RGS6: variants seen among roughly 807,000 people sequenced by gnomAD.
RGS6 encodes the protein regulator of G protein signaling 6.
A neutral mutation model predicts 78.5 loss-of-function variants in RGS6; 30 were observed. That is an observed-to-expected ratio of 0.38 (90% confidence interval 0.29 to 0.52). The LOEUF is 0.52. Ranked by LOEUF, RGS6 falls within the 20% of genes least tolerant of loss-of-function variation. The probability of loss-of-function intolerance (pLI) is 0.85; values close to 1 mark genes in which losing one functional copy is unlikely to be tolerated. For synonymous variants in RGS6, 206 were observed against 206.0 expected, an observed-to-expected ratio of 1.00 and a Z score of 0.00; for missense variants, 495 against 609.7, an observed-to-expected ratio of 0.81 and a Z score of 1.98.
At chr14:72,306,290 C>T (rs2067226275) in intron 2 of RGS6, among the ~76,000 whole-genome samples, 2 of 152,232 alleles carry the variant, frequency 1.3e-5, no homozygotes, top group African/African-American at 4.8e-5. Context: ...CACCTCATCA[C>T]ACAAGAGCCT....
At chr14:72,494,049 C>A (rs1031410255) in intron 12 of RGS6, among the ~76,000 whole-genome samples, 1 of 152,114 alleles carries the variant, frequency 6.6e-6, no homozygotes, top group Non-Finnish European at 1.5e-5. Context: ...GTCTATAGAG[C>A]AAATGATCCA....
Position 72,543,251 on chromosome 14 carries a change from G to A in RGS6, c.1422+3157G>A, listed in dbSNP as rs79579532. Among the ~76,000 whole-genome samples, 1,506 of 152,336 alleles carry A rather than the reference G, an allele frequency of 9.9e-3. 28 individuals carry two copies. Among genetic ancestry groups the A allele is most frequent in the African/African-American group, 0.034 (1,426 of 41,574 alleles). On this transcript the variant is annotated intron_variant, in intron 17 of 17. Coordinates refer to ENST00000553525, the MANE Select transcript of RGS6 (RefSeq NM_001204424.2). ...GGCCCAGCCTCACAGATGCCCAGCT[G>A]ACCAGGCAAAACACAGGCTGGGTTT...
chr14:72,580,881 C>T, the RGS6 span, among the ~76,000 whole-genome samples: 233 of 152,314 alleles, frequency 1.5e-3, no homozygotes, highest in African/African-American at 5.4e-3. Context: ...CCTGCTCTGC[C>T]TGCCTTATGG....
At position 72,337,739 on chromosome 14, in the gene RGS6, A is replaced by G. The variant is rs192905579; in HGVS notation, c.85-14356A>G. On this transcript the variant is annotated intron_variant, in intron 2 of 17. Coordinates refer to ENST00000553525, the MANE Select transcript of RGS6 (RefSeq NM_001204424.2). ...GGGAGACAAGCTACAAAAACCTTTT[A>G]ATCTGTATGATTAACAGAAGCAATT... Among the ~76,000 whole-genome samples, 363 of 152,318 alleles carry G rather than the reference A, an allele frequency of 2.4e-3. 1 individual carries two copies. The highest frequency in any genetic ancestry group is 8.5e-3 in the African/African-American group (353 of 41,564).
the RGS6 span, among the ~76,000 whole-genome samples, chr14:71,890,679 C>T: frequency 2.0e-5 from 3 of 152,160 alleles, no homozygotes; most frequent in Admixed American, 6.5e-5. Flanking sequence ...TGGGATGTTT[C>T]CTCTGTAGTA....
In RGS6 at chr14:72,540,102, C is replaced by A; in HGVS notation, c.1422+8C>A. 2 of 1,584,788 alleles carry A rather than the reference C, an allele frequency of 1.3e-6. No homozygotes were observed. Among genetic ancestry groups the A allele is most frequent in the Non-Finnish European group, 1.7e-6 (2 of 1,175,860 alleles). ...AAGTTCACTCGCAGTGTGGTAAGTT[C>A]AGTCGGTTTTCTTCCCTCAGCTTTT... On this transcript the variant is annotated splice_region_variant and intron_variant, in intron 17 of 17. Coordinates refer to ENST00000553525, the MANE Select transcript of RGS6 (RefSeq NM_001204424.2).
At chr14:72,353,987 A>G (rs1384309241) in intron 3 of RGS6, among the ~76,000 whole-genome samples, 1 of 151,378 alleles carries the variant, frequency 6.6e-6, no homozygotes, top group East Asian at 1.9e-4. Context: ...CTGTCTCAGC[A>G]ACAACAACAA....
intron 2 of RGS6, among the ~76,000 whole-genome samples, chr14:72,091,435 C>CCTAGATTCTG (rs1444787433): frequency 7.2e-5 from 11 of 152,288 alleles, no homozygotes; most frequent in African/African-American, 1.2e-4. Flanking sequence ...ACCCAGCCTC[C>CCTAGATTCTG]CTAGATTCTG....
intron 2 of RGS6, among the ~76,000 whole-genome samples, chr14:72,328,311 A>G (rs1266798469): frequency 6.6e-6 from 1 of 152,212 alleles, no homozygotes; most frequent in Admixed American, 6.5e-5. Flanking sequence ...AACCCAGTCA[A>G]GTTGACACAT....
At chr14:71,896,188 A>G in the RGS6 span, among the ~76,000 whole-genome samples, 6 of 152,190 alleles carry the variant, frequency 3.9e-5, no homozygotes, top group African/African-American at 1.4e-4. Flanking sequence ...GAAATAATTC[A>G]GGTCAACTCC....
chr14:72,540,564 T>C (rs775498004), intron 17 of RGS6: 2 of 1,549,224 alleles, frequency 1.3e-6, no homozygotes, highest in East Asian at 4.9e-5. Context: ...CGAGCTAATG[T>C]TGCTGTGTAG....
At chr14:72,132,086 G>T (rs894179788) in intron 2 of RGS6, among the ~76,000 whole-genome samples, 1 of 152,062 alleles carries the variant, frequency 6.6e-6, no homozygotes, top group Non-Finnish European at 1.5e-5. Context: ...TTCAGATATT[G>T]TCTTGTAATT....
intron 3 of RGS6, among the ~76,000 whole-genome samples, chr14:72,451,321 G>A (rs939599924): frequency 6.6e-5 from 10 of 152,292 alleles, no homozygotes; most frequent in African/African-American, 2.4e-4. Context: ...AAAAGGAAAT[G>A]GGTTTTTGTG....
At chr14:71,928,639 A>G (rs576856391), upstream of RGS6, among the ~76,000 whole-genome samples, 2 of 152,246 alleles carry the variant, frequency 1.3e-5, no homozygotes, top group Non-Finnish European at 2.9e-5. Context: ...GAGCTACGCC[A>G]ATCAATTCTA....
chr14:72,432,434 C>G (rs1017535691), intron 3 of RGS6, among the ~76,000 whole-genome samples: 8 of 152,154 alleles, frequency 5.3e-5, no homozygotes. Flanking sequence ...AGACGTGTCC[C>G]AAGTAATGGG....
intron 1 of RGS6, among the ~76,000 whole-genome samples, chr14:71,951,195 G>A (rs903142366): frequency 4.6e-5 from 7 of 152,086 alleles, no homozygotes; most frequent in Non-Finnish European, 7.4e-5. Context: ...AAGAAAATAT[G>A]GTAATATACA....
At chr14:72,312,562 T>C (rs1041088946) in intron 2 of RGS6, among the ~76,000 whole-genome samples, 1 of 152,238 alleles carries the variant, frequency 6.6e-6, no homozygotes, top group Non-Finnish European at 1.5e-5. Context: ...ATTAATTTCT[T>C]TATTTGTCAA....
intron 3 of RGS6, among the ~76,000 whole-genome samples, chr14:72,398,714 C>A (rs1158284485): frequency 6.6e-6 from 1 of 152,184 alleles, no homozygotes; most frequent in East Asian, 1.9e-4. Context: ...CCTCTACACA[C>A]TGCTTTGAAT....
intron 3 of RGS6, among the ~76,000 whole-genome samples, chr14:72,445,745 T>C (rs185084980): frequency 7.0e-4 from 106 of 152,340 alleles, no homozygotes; most frequent in African/African-American, 2.4e-3. Context: ...GTTTACTCCA[T>C]GCCAGGGACA....
Sources: allele counts gnomAD v4.1 joint callset (sites outside exome capture counted in the v4.1 genomes callset), GRCh38; gene constraint gnomAD v4.1.1; transcripts MANE v1.5; gene names NCBI Gene and HGNC (gene_info 2026-07-23, HGNC 2026-07-21).